The following PLCXD3 variants were observed in gnomAD, a reference collection of about 807,000 sequenced individuals.
PLCXD3 encodes PI-PLC X domain-containing protein 3.
Under a neutral mutation model 25.5 loss-of-function variants are expected in PLCXD3, and 19 were observed. The observed-to-expected ratio is 0.75, with a 90% CI of 0.52 to 1.09. The LOEUF (loss-of-function observed/expected upper bound fraction) is 1.09, where lower values mean the gene tolerates loss of function less well. PLCXD3 is among the 50% of genes least tolerant of loss of function. PLCXD3 has a pLI of 0.00. For synonymous variants in PLCXD3, 174 were observed against 137.6 expected (o/e 1.26, Z -1.85); for missense variants, 411 against 388.1 (o/e 1.06, Z -0.50).
rs1177755246 is a variant in PLCXD3 at position 41,313,372 on chromosome 5, T to C, written c.*245A>G. Reference sequence around the variant, plus strand: ...TAATTTTGAAAAACAAAGTTACTGGTCTTTTTTTTTTATTCCTAACACTAG... The same window carrying C: ...TAATTTTGAAAAACAAAGTTACTGGCCTTTTTTTTTTATTCCTAACACTAG... On this transcript the variant is annotated 3_prime_UTR_variant, in exon 3 of 3. Transcript: ENST00000377801. 1 of 433,562 alleles carries C rather than the reference T, an allele frequency of 2.3e-6. No individual in the cohort carries two copies. The highest frequency in any genetic ancestry group is 2.1e-5 in the African/African-American group (1 of 47,844). 26.9% of individuals were successfully genotyped at this position (433,562 alleles called of 1,614,324 possible).
At chr5:41,409,169 C>A (rs1432813707) in intron 1 of PLCXD3, among the ~76,000 whole-genome samples, 7 of 152,256 alleles carry the variant, frequency 4.6e-5, no homozygotes, top group African/African-American at 1.4e-4. Flanking sequence ...ATTAAAAAAT[C>A]TGTTTTGTAC....
chr5:41,497,780 C>G (rs1462237600), intron 1 of PLCXD3, among the ~76,000 whole-genome samples: 1 of 151,606 alleles, frequency 6.6e-6, no homozygotes, highest in Non-Finnish European at 1.5e-5. Flanking sequence ...CACGATAGGC[C>G]CCAAAACAAA....
rs928696071 is a variant in PLCXD3, at chr5:41,406,772, A to G, written c.104-24238T>C. Among the ~76,000 whole-genome samples, 8 of 152,028 alleles carry G rather than the reference A, an allele frequency of 5.3e-5. No homozygotes were observed. The East Asian group carries it at 5.8e-4, about 11-fold the overall frequency. ...AGCTGCGATCATTCAACCCTCCTCT[A>G]TGGTCATTACCCTGCCTCAGCCTCT... On this transcript the variant is annotated intron_variant, in intron 1 of 2. Coordinates refer to ENST00000377801, the MANE Select transcript of PLCXD3 (RefSeq NM_001005473.3).
intron 2 of PLCXD3, among the ~76,000 whole-genome samples, chr5:41,344,431 C>T (rs967535336): frequency 6.6e-5 from 10 of 152,002 alleles, no homozygotes; most frequent in African/African-American, 2.4e-4. Flanking sequence ...ATGATCAACT[C>T]GTCAATTAAA....
At chr5:41,331,693 T>C (rs1019725814) in intron 2 of PLCXD3, among the ~76,000 whole-genome samples, 2 of 152,118 alleles carry the variant, frequency 1.3e-5, no homozygotes, top group Non-Finnish European at 2.9e-5. Flanking sequence ...CTTCAAACTA[T>C]ACTACAAGGC....
intron 2 of PLCXD3, among the ~76,000 whole-genome samples, chr5:41,355,423 G>C (rs760728010): frequency 9.2e-5 from 14 of 152,118 alleles, no homozygotes; most frequent in Non-Finnish European, 1.8e-4. Context: ...TAGGCAATAA[G>C]TACTTGTCTG....
At chr5:41,331,891 T>C (rs998837366) in intron 2 of PLCXD3, among the ~76,000 whole-genome samples, 22 of 152,288 alleles carry the variant, frequency 1.4e-4, no homozygotes, top group Non-Finnish European at 2.4e-4. Context: ...GCTAGCCATA[T>C]GTAGAAAGCT....
chr5:41,354,142 C>T (rs1049270412), intron 2 of PLCXD3, among the ~76,000 whole-genome samples: 1 of 152,096 alleles, frequency 6.6e-6, no homozygotes, highest in South Asian at 2.1e-4. Context: ...TTTATGGATT[C>T]TAATTATCTC....
chr5:41,373,138 C>A (rs570038351), intron 2 of PLCXD3, among the ~76,000 whole-genome samples: 37 of 152,214 alleles, frequency 2.4e-4, no homozygotes, highest in African/African-American at 7.7e-4. Context: ...CTAACTGCCA[C>A]TAAAAGACTT....
chr5:41,377,560 G>A (rs749014864), intron 2 of PLCXD3, among the ~76,000 whole-genome samples: 1 of 151,894 alleles, frequency 6.6e-6, no homozygotes, highest in Non-Finnish European at 1.5e-5. Context: ...ATGGGGGTGA[G>A]GTGCAAAAAC....
Position 41,510,489 on chromosome 5 carries a change from G to A in PLCXD3, c.38C>T (p.Ala13Val). The A allele has an allele frequency of 6.2e-7, 1 of 1,613,168 alleles. No individual in the cohort carries two copies. Among genetic ancestry groups the A allele is most frequent in the Non-Finnish European group, 8.5e-7 (1 of 1,179,526 alleles). ...CTCCGGCAGAGTTGCCATCCAGTCGGCTAATTTCAGCTCGTTTTTCCCCTG... is the reference window on the plus strand; with the variant it reads ...CTCCGGCAGAGTTGCCATCCAGTCGACTAATTTCAGCTCGTTTTTCCCCTG... ...SSQGKNELKL[A>V]DWMATLPESM... The change falls in exon 1 of 3, where the codon GCC becomes GTC. Residue 13 changes from alanine to valine, a missense_variant. Ala to Val is a moderately conservative substitution (Grantham distance 64). Transcript: ENST00000377801.
intron 1 of PLCXD3, among the ~76,000 whole-genome samples, chr5:41,391,245 G>A (rs577805833): frequency 6.6e-6 from 1 of 152,260 alleles, no homozygotes; most frequent in South Asian, 2.1e-4. Context: ...AGCAAAAAGA[G>A]TACTGTTATC....
chr5:41,361,698 T>A (rs1744784700), intron 2 of PLCXD3, among the ~76,000 whole-genome samples: 1 of 152,224 alleles, frequency 6.6e-6, no homozygotes, highest in African/African-American at 2.4e-5. Context: ...GATAGCCTGC[T>A]TTGTCACACT....
chr5:41,469,023 T>C (rs1348414001), intron 1 of PLCXD3, among the ~76,000 whole-genome samples: 2 of 152,152 alleles, frequency 1.3e-5, no homozygotes, highest in African/African-American at 4.8e-5. Context: ...TTGTTATATA[T>C]GGCCTAACGG....
chr5:41,442,674 G>A (rs1747410089), intron 1 of PLCXD3, among the ~76,000 whole-genome samples: 1 of 152,184 alleles, frequency 6.6e-6, no homozygotes, highest in Non-Finnish European at 1.5e-5. Context: ...AAATTGTGTT[G>A]TGATGGTAGA....
rs534332018 is a variant in PLCXD3 at position 41,469,282 on chromosome 5, A to G, written c.103+41142T>C. On this transcript the variant is annotated intron_variant, in intron 1 of 2. Transcript: ENST00000377801. Reference sequence around the variant, plus strand: ...GTATTTTTAAATTTGGTTTGATAATATTTTGTTGAGGATTTTTGTTTCTAC... The same window carrying G: ...GTATTTTTAAATTTGGTTTGATAATGTTTTGTTGAGGATTTTTGTTTCTAC... Among the ~76,000 whole-genome samples the G allele has an allele frequency of 2.6e-5, 4 of 152,230 alleles. No homozygotes were observed. In the South Asian group the frequency reaches 8.3e-4, roughly 32 times the overall value.
At chr5:41,385,208 CTCTTTGA>C (rs1462327004) in intron 1 of PLCXD3, among the ~76,000 whole-genome samples, 2 of 152,022 alleles carry the variant, frequency 1.3e-5, no homozygotes, top group African/African-American at 4.8e-5. Context: ...GCCAGGAGTC[CTCTTTGA>C]TCTTGAACTT....
At chr5:41,453,166 A>C (rs1359173458) in intron 1 of PLCXD3, among the ~76,000 whole-genome samples, 1 of 151,518 alleles carries the variant, frequency 6.6e-6, no homozygotes, top group Non-Finnish European at 1.5e-5. Context: ...ATCCCACCCA[A>C]TCTCCCAGGC....
At chr5:41,391,820 T>C (rs552039114) in intron 1 of PLCXD3, among the ~76,000 whole-genome samples, 1 of 152,182 alleles carries the variant, frequency 6.6e-6, no homozygotes, top group South Asian at 2.1e-4. Flanking sequence ...CGGGAGACCA[T>C]TTCCCTGAAG....
Sources: gnomAD v4.1 joint callset for allele counts (sites outside exome capture counted in the v4.1 genomes callset) on GRCh38, gnomAD v4.1.1 for gene constraint, MANE v1.5 for transcripts, NCBI Gene and HGNC (gene_info 2026-07-23, HGNC 2026-07-21) for gene names.